The following ZFP2 variants were observed in gnomAD, a reference collection of about 807,000 sequenced individuals.
The protein encoded by ZFP2 is ZFP2 zinc finger protein, also known as zinc finger protein ZFP2.
In ZFP2, 33 loss-of-function variants were observed where a neutral mutation model predicts 36.1. That is an observed-to-expected ratio of 0.92 (90% CI 0.69 to 1.22). The LOEUF (loss-of-function observed/expected upper bound fraction) is 1.22. Ranked by LOEUF, ZFP2 falls within the 50% of genes most tolerant of loss-of-function variation. The probability of loss-of-function intolerance (pLI) is 0.00; values close to 1 mark genes in which losing one functional copy is unlikely to be tolerated. For missense variants in ZFP2, 522 were observed against 551.4 expected (o/e 0.95, Z 0.53); for synonymous variants, 170 against 178.0 (o/e 0.96, Z 0.36).
intron 4 of ZFP2, 56 bp from the exon 5 acceptor site, chr5:178,931,181 T>C: frequency 6.9e-7 from 1 of 1,454,332 alleles, no homozygotes; most frequent in Non-Finnish European, 9.0e-7. Flanking sequence ...CCTTATGCAG[T>C]TTCCAGTCTC....
At chr5:178,913,757 T>G (rs965992909) in intron 3 of ZFP2, 1 of 150,206 alleles carries the variant, frequency 6.7e-6, no homozygotes, top group African/African-American at 2.5e-5. Flanking sequence ...AATTTCTGTT[T>G]TAGGTGTTAT....
rs572895528 is a variant in ZFP2, at chr5:178,914,399, T to G, written c.-224+1328T>G. On this transcript the variant is annotated intron_variant, in intron 3 of 4. Transcript: ENST00000361362. ...CATTTTTTATGGTCTTGCTACATATTGCACTGCTTTAGATACTATTTTGTG... is the reference window on the plus strand; with the variant it reads ...CATTTTTTATGGTCTTGCTACATATGGCACTGCTTTAGATACTATTTTGTG... 2.6e-5 allele frequency among the ~76,000 whole-genome samples: 4 copies of G among 152,332 alleles called. No individual in the cohort carries two copies. The South Asian group carries it at 8.3e-4, about 32-fold the overall frequency.
At chr5:178,909,783 C>T (rs997590594) in intron 1 of ZFP2, 115 of 1,583,220 alleles carry the variant, frequency 7.3e-5, no homozygotes, top group East Asian at 4.7e-4. Context: ...TCTTTTCCTT[C>T]GCTTCATTTC....
At chr5:178,906,539 T>G (rs1758170986) in intron 1 of ZFP2, among the ~76,000 whole-genome samples, 1 of 151,354 alleles carries the variant, frequency 6.6e-6, no homozygotes, top group Non-Finnish European at 1.5e-5. Flanking sequence ...TAAATCAATT[T>G]TAGAGTTTTT....
chr5:178,914,271 A>G (rs570242636), intron 3 of ZFP2, among the ~76,000 whole-genome samples: 4 of 152,308 alleles, frequency 2.6e-5, no homozygotes, highest in African/African-American at 9.6e-5. Flanking sequence ...AAGGAACACA[A>G]TTATAGGAAA....
At position 178,922,711 on chromosome 5, in the gene ZFP2, A is replaced by G. The variant is rs1758582846; in HGVS notation, c.-78+6001A>G. On this transcript the variant is annotated intron_variant, in intron 4 of 4. Coordinates refer to ENST00000361362, the MANE Select transcript of ZFP2 (RefSeq NM_030613.4). ...TGGAATAGAAAGCAACTTACATACA[A>G]GAACAATTAACTGGAGCAAAGGGAG... 3.2e-6 allele frequency: 5 copies of G among 1,579,062 alleles called. No homozygotes were observed. In the African/African-American group the frequency reaches 6.7e-5, roughly 21 times the overall value.
At chr5:178,929,452 G>A (rs76216993) in intron 4 of ZFP2, among the ~76,000 whole-genome samples, 12,439 of 152,120 alleles carry the variant, frequency 0.082, 665 homozygotes, top group Non-Finnish European at 0.12. Flanking sequence ...TAGAAATTTC[G>A]TCCACCAGAT....
chr5:178,913,039 T>C lies in ZFP2; in HGVS notation c.-256T>C. 1 of 985,892 alleles carries C rather than the reference T, an allele frequency of 1.0e-6. No homozygotes were observed. Among genetic ancestry groups the C allele is most frequent in the South Asian group, 4.7e-5 (1 of 21,286 alleles). 61.1% of individuals were successfully genotyped at this position (985,892 alleles called of 1,614,324 possible). A position where few individuals can be genotyped will look rare whatever the true frequency, so the allele number is the denominator to read the frequency against. On this transcript the variant is annotated 5_prime_UTR_variant, in exon 3 of 5. An upstream start codon of the reference 5' UTR is lost. Coordinates refer to ENST00000361362, the MANE Select transcript of ZFP2 (RefSeq NM_030613.4). ...CAGCTGGAACGAGAACTGAGTCTGA[T>C]GCAAAAAGAACCGCCTGAGGGTGGC...
intron 1 of ZFP2, chr5:178,910,370 G>A (rs766748680): frequency 3.9e-5 from 40 of 1,037,446 alleles, no homozygotes; most frequent in African/African-American, 2.7e-4. Flanking sequence ...AAGACTCCTC[G>A]GCACTGGAGT....
In ZFP2 at chr5:178,896,352, C is replaced by T. The variant is rs752759605; in HGVS notation, c.-450+378C>T. ...CCAAGAGTCGCTCGGACCCGGGTTC[C>T]TCCCTGGCTTTCCCCAGCCGCGCGC... On this transcript the variant is annotated intron_variant, in intron 1 of 4. Transcript: ENST00000361362. Among the ~76,000 whole-genome samples the T allele has an allele frequency of 3.3e-5, 5 of 152,352 alleles. No individual in the cohort carries two copies. The Middle Eastern group carries it at 0.01, about 311-fold the overall frequency.
chr5:178,910,629 A>G, intron 1 of ZFP2: 1 of 405,104 alleles, frequency 2.5e-6, no homozygotes, highest in Non-Finnish European at 4.8e-6. Flanking sequence ...CGGCCTCTAG[A>G]ATGGCCCCCT....
chr5:178,922,957 T>A (rs972732023), intron 4 of ZFP2, among the ~76,000 whole-genome samples: 1 of 149,646 alleles, frequency 6.7e-6, no homozygotes, highest in Non-Finnish European at 1.5e-5. Flanking sequence ...TAAGCATTGC[T>A]TTGGTTGTAA....
intron 1 of ZFP2, among the ~76,000 whole-genome samples, chr5:178,896,234 C>A (rs1297024550): frequency 6.6e-6 from 1 of 152,212 alleles, no homozygotes; most frequent in Non-Finnish European, 1.5e-5. Context: ...CCTGGGCAGG[C>A]GCCGAGGTGG....
At chr5:178,902,833 GATA>G (rs1283564405) in intron 1 of ZFP2, among the ~76,000 whole-genome samples, 1 of 152,170 alleles carries the variant, frequency 6.6e-6, no homozygotes, top group Non-Finnish European at 1.5e-5. Flanking sequence ...GTTGATAACA[GATA>G]ATATTTACTC....
chr5:178,907,690 C>T lies in ZFP2; in HGVS notation c.-449-4894C>T, dbSNP rs117440763. On this transcript the variant is annotated intron_variant, in intron 1 of 4. Transcript: ENST00000361362. ...ACAGTTTTCCTTAAAGTCAGTTGGC[C>T]GGCACACAGTTTCCCAACCACCAGG... Among the ~76,000 whole-genome samples the T allele has an allele frequency of 8.0e-3, 1,213 of 151,984 alleles. 62 individuals are homozygous for T. The East Asian group carries it at 0.13, about 16-fold the overall frequency.
chr5:178,904,913 G>A (rs1287607574), intron 1 of ZFP2, among the ~76,000 whole-genome samples: 1 of 151,898 alleles, frequency 6.6e-6, no homozygotes, highest in Non-Finnish European at 1.5e-5. Context: ...CATGCTGGCA[G>A]GCTGGTCTCG....
chr5:178,904,857 CA>C (rs1474121107), intron 1 of ZFP2, among the ~76,000 whole-genome samples: 1 of 151,856 alleles, frequency 6.6e-6, no homozygotes, highest in East Asian at 1.9e-4. Context: ...CACGTGCCAC[CA>C]CGCCTGGCTA....
At chr5:178,915,107 T>C (rs913988774) in intron 3 of ZFP2, among the ~76,000 whole-genome samples, 1 of 152,148 alleles carries the variant, frequency 6.6e-6, no homozygotes, top group Non-Finnish European at 1.5e-5. Flanking sequence ...ATTTCATTGT[T>C]TTTGTTTCTG....
chr5:178,922,415 A>AT, intron 4 of ZFP2: 1 of 1,335,314 alleles, frequency 7.5e-7, no homozygotes, highest in South Asian at 1.2e-5. Context: ...ATTTGCAGTT[A>AT]TTTTGTCTAC....
Sources: gnomAD v4.1 joint callset for allele counts (sites outside exome capture counted in the v4.1 genomes callset) on GRCh38, gnomAD v4.1.1 for gene constraint, MANE v1.5 for transcripts, NCBI Gene and HGNC (gene_info 2026-07-23, HGNC 2026-07-21) for gene names.